IREB2: variants seen among roughly 807,000 people sequenced by gnomAD.
IREB2 encodes iron responsive element binding protein 2.
A neutral mutation model predicts 118.8 loss-of-function variants in IREB2; 39 were observed. The observed-to-expected ratio is 0.33, with a 90% CI of 0.25 to 0.43. The LOEUF is 0.43. Ranked by LOEUF, IREB2 falls within the 20% of genes least tolerant of loss-of-function variation. IREB2 has a pLI of 1.00. For missense variants in IREB2, 900 were observed against 1,147.3 expected (o/e 0.78, Z 3.11); for synonymous variants, 372 against 392.2 (o/e 0.95, Z 0.61).
chr15:78,497,420 A>G (rs576162516), intron 21 of IREB2, 109 bp downstream of exon 21: 23 of 801,050 alleles, frequency 2.9e-5, no homozygotes, highest in Admixed American at 1.5e-4. Context: ...ATGAATGTTA[A>G]GTTGCCATTT....
At chr15:78,492,725 T>A (rs995230396) in intron 18 of IREB2, among the ~76,000 whole-genome samples, 2 of 152,134 alleles carry the variant, frequency 1.3e-5, no homozygotes, top group African/African-American at 2.4e-5. Flanking sequence ...CATGCCTGGA[T>A]AATTTTTAAT....
At chr15:78,476,453 T>C (rs1342365526) in intron 9 of IREB2, 94 bp downstream of exon 9, 6 of 884,542 alleles carry the variant, frequency 6.8e-6, no homozygotes, top group African/African-American at 1.7e-5. Context: ...TGTTATTTAC[T>C]ATTCACAAAA....
chr15:78,497,298 C>G lies in IREB2; in HGVS notation c.2768C>G (p.Thr923Arg). ...CCTGAAGAACTGTCTCCTGGAATTACATTGAATATACAGGTATCTCTAAAT... is the reference window on the plus strand; with the variant it reads ...CCTGAAGAACTGTCTCCTGGAATTAGATTGAATATACAGGTATCTCTAAAT... ...TFPEELSPGITLNIQTSTGKV... is the reference protein window; with the variant it reads ...TFPEELSPGIRLNIQTSTGKV... Residue 923 changes from threonine to arginine, a missense_variant, in exon 21 of 22, where the codon ACA (threonine) becomes AGA (arginine). Physicochemically the swap from Thr to Arg is moderately conservative, Grantham distance 71 (BLOSUM62 -1). Coordinates refer to ENST00000258886, the MANE Select transcript of IREB2 (RefSeq NM_004136.4). 1 of 1,611,352 alleles carries G rather than the reference C, an allele frequency of 6.2e-7. No individual in the cohort carries two copies.
intron 2 of IREB2, among the ~76,000 whole-genome samples, chr15:78,444,551 G>T (rs935152248): frequency 1.3e-5 from 2 of 151,930 alleles, no homozygotes; most frequent in Non-Finnish European, 2.9e-5. Flanking sequence ...CAGTAGAGCC[G>T]GGACTTAGTG....
At chr15:78,464,236 T>C (rs2051244439) in intron 3 of IREB2, among the ~76,000 whole-genome samples, 1 of 152,206 alleles carries the variant, frequency 6.6e-6, no homozygotes, top group South Asian at 2.1e-4. Context: ...TCCCTCCATA[T>C]ACCAGTTGGC....
chr15:78,463,854 G>C (rs1230972634), intron 3 of IREB2, among the ~76,000 whole-genome samples: 1 of 152,218 alleles, frequency 6.6e-6, no homozygotes, highest in East Asian at 1.9e-4. Flanking sequence ...ATCAAAACTT[G>C]AGTTTTTGAT....
At chr15:78,440,615 C>T (rs1406769427) in intron 2 of IREB2, among the ~76,000 whole-genome samples, 2 of 152,184 alleles carry the variant, frequency 1.3e-5, no homozygotes, top group East Asian at 1.9e-4. Context: ...GATGCATCTG[C>T]CTCAGCCTCA....
chr15:78,451,802 C>T (rs1319958832), intron 2 of IREB2, among the ~76,000 whole-genome samples: 1 of 152,134 alleles, frequency 6.6e-6, no homozygotes, highest in East Asian at 1.9e-4. Context: ...ATTCTCCTGC[C>T]TCAGCCTTCC....
intron 12 of IREB2, among the ~76,000 whole-genome samples, chr15:78,485,458 A>C (rs1266318591): frequency 6.6e-6 from 1 of 152,220 alleles, no homozygotes; most frequent in African/African-American, 2.4e-5. Context: ...ATATATGTGC[A>C]CCTTTTGTTT....
intron 5 of IREB2, among the ~76,000 whole-genome samples, chr15:78,470,001 T>G (rs962749103): frequency 2.0e-5 from 3 of 152,258 alleles, no homozygotes; most frequent in Non-Finnish European, 1.5e-5. Flanking sequence ...TTATAATCCA[T>G]GTAAAGTGAA....
At chr15:78,449,010 A>G (rs1318938693) in intron 2 of IREB2, among the ~76,000 whole-genome samples, 2 of 152,188 alleles carry the variant, frequency 1.3e-5, no homozygotes, top group African/African-American at 2.4e-5. Flanking sequence ...GTGCTGCTTC[A>G]TGATAAGCAC....
At chr15:78,444,045 A>G (rs2050888162) in intron 2 of IREB2, among the ~76,000 whole-genome samples, 1 of 151,676 alleles carries the variant, frequency 6.6e-6, no homozygotes, top group South Asian at 2.1e-4. Flanking sequence ...CAAAATGTAG[A>G]TTTTGAGTAA....
intron 1 of IREB2, among the ~76,000 whole-genome samples, chr15:78,439,193 C>T (rs2050806582): frequency 1.2e-4 from 18 of 152,220 alleles, no homozygotes; most frequent in Admixed American, 1.2e-3. Flanking sequence ...AGACTTGTCT[C>T]TTTCGGGTAG....
chr15:78,451,597 A>G (rs556987546), intron 2 of IREB2, among the ~76,000 whole-genome samples: 8 of 152,354 alleles, frequency 5.3e-5, no homozygotes, highest in Non-Finnish European at 1.2e-4. Context: ...CGAGTACTAC[A>G]GGTTGAGTAT....
At position 78,498,104 on chromosome 15, in the gene IREB2, T is replaced by G. The variant is rs745897069; in HGVS notation, c.2853T>G (p.His951Gln). Residue 951 changes from histidine (H) to glutamine (Q), a missense_variant, in exon 22 of 22, where the codon CAT (histidine) becomes CAG (glutamine). Coordinates refer to ENST00000258886, the MANE Select transcript of IREB2 (RefSeq NM_004136.4). ...ATGTGGAAATAACATTATACAAACA[T>G]GGAGGATTATTAAACTTTGTGGCAC... ...EDDVEITLYKHGGLLNFVARK... is the reference protein window; with the variant it reads ...EDDVEITLYKQGGLLNFVARK... 8 of 1,612,158 alleles carry G rather than the reference T, an allele frequency of 5.0e-6. No individual in the cohort carries two copies. Among genetic ancestry groups the G allele is most frequent in the Non-Finnish European group, 5.9e-6 (7 of 1,178,388 alleles).
At chr15:78,459,794 C>T (rs1327133179) in intron 2 of IREB2, among the ~76,000 whole-genome samples, 1 of 150,980 alleles carries the variant, frequency 6.6e-6, no homozygotes, top group African/African-American at 2.4e-5. Context: ...TTCTTGTAAT[C>T]TGTAATAGTC....
At chr15:78,491,396 T>G (rs890700142) in intron 18 of IREB2, among the ~76,000 whole-genome samples, 8 of 152,242 alleles carry the variant, frequency 5.3e-5, no homozygotes, top group African/African-American at 1.9e-4. Context: ...AAAGCAGGAT[T>G]TGTAGTACTG....
At position 78,458,187 on chromosome 15, in the gene IREB2, A is replaced by G. The variant is rs189521384; in HGVS notation, c.107-4735A>G. Among the ~76,000 whole-genome samples, 17 of 152,232 alleles carry G rather than the reference A, an allele frequency of 1.1e-4. No individual in the cohort carries two copies. The East Asian group carries it at 3.1e-3, about 28-fold the overall frequency. ...TTCTGATAACTGTAATCCTTTTTCT[A>G]CTTTACGTACAACTTTATGGGTCTT... On this transcript the variant is annotated intron_variant, in intron 2 of 21. Coordinates refer to ENST00000258886, the MANE Select transcript of IREB2 (RefSeq NM_004136.4).
chr15:78,481,487 CT>C lies in IREB2; in HGVS notation c.1297-1830del, dbSNP rs1482301009. Among the ~76,000 whole-genome samples the C allele has an allele frequency of 1.5e-4, 23 of 150,908 alleles. 1 individual carries two copies. The highest frequency in any genetic ancestry group is 1.2e-3 in the Admixed American group (18 of 15,158). ...TCTCCTGCCTCAGCCTCCCAGGTAG[CT>C]GAGACTACAGGTGCCCGCCACCACA... On this transcript the variant is annotated intron_variant, in intron 10 of 21. Transcript: ENST00000258886.
Sources: allele counts gnomAD v4.1 joint callset (sites outside exome capture counted in the v4.1 genomes callset), GRCh38; gene constraint gnomAD v4.1.1; transcripts MANE v1.5; gene names NCBI Gene and HGNC (gene_info 2026-07-23, HGNC 2026-07-21).